The following DOCK6 variants were observed in gnomAD, a reference collection of about 807,000 sequenced individuals.
DOCK6 encodes the protein dedicator of cytokinesis protein 6.
Under a neutral mutation model 230.3 loss-of-function variants are expected in DOCK6, and 167 were observed. That is an observed-to-expected ratio of 0.73 (90% CI 0.64 to 0.82). The LOEUF (loss-of-function observed/expected upper bound fraction) is 0.82. DOCK6 is among the 40% of genes least tolerant of loss of function. The probability of loss-of-function intolerance (pLI) is 0.00; values close to 1 mark genes in which losing one functional copy is unlikely to be tolerated. For missense variants in DOCK6, 2,598 were observed against 2,825.8 expected (o/e 0.92, Z 1.83); for synonymous variants, 1,148 against 1,185.0 (o/e 0.97, Z 0.64).
In DOCK6 at chr19:11,201,993, C is replaced by T. The variant is rs372223901; in HGVS notation, c.5584G>A (p.Ala1862Thr). The change falls in exon 44 of 48, where the codon GCA (alanine) becomes ACA (threonine). Residue 1862 changes from alanine (A) to threonine (T), a missense_variant. Coordinates refer to ENST00000294618, the MANE Select transcript of DOCK6 (RefSeq NM_020812.4). This position sits in a 1 kb window ranked among gnomAD's most constrained non-coding sequence, Gnocchi z 4.3. ...FCTPFTPDGRAHGELPEQHKR... is the reference protein window; with the variant it reads ...FCTPFTPDGRTHGELPEQHKR... ...TGTTGCTCGGGCAGCTCCCCGTGTGCGCGCCCATCCGGCGTGAACGGCGTG... is the reference window on the plus strand; with the variant it reads ...TGTTGCTCGGGCAGCTCCCCGTGTGTGCGCCCATCCGGCGTGAACGGCGTG... 12 of 1,613,870 alleles carry T rather than the reference C, an allele frequency of 7.4e-6. No homozygotes were observed. Among genetic ancestry groups the T allele is most frequent in the South Asian group, 4.4e-5 (4 of 91,084 alleles).
In DOCK6 at chr19:11,200,362, G is replaced by C. The variant is rs545841854; in HGVS notation, c.6047C>G (p.Pro2016Arg). 1 of 1,588,480 alleles carries C rather than the reference G, an allele frequency of 6.3e-7. No individual in the cohort carries two copies. The highest frequency in any genetic ancestry group is 1.8e-5 in the Admixed American group (1 of 56,210). ...NYCRLREALQ[P>R]LLTQRLPQLM... Reference sequence around the variant, plus strand: ...CTGGGGCAGGCGCTGGGTAAGCAGGGGCTGCAGAGCCTCCCGCAGGCGGCA... The same window carrying C: ...CTGGGGCAGGCGCTGGGTAAGCAGGCGCTGCAGAGCCTCCCGCAGGCGGCA... Residue 2016 changes from proline (P) to arginine (R), a missense_variant, in exon 47 of 48, where the codon CCC becomes CGC. Physicochemically the swap from Pro to Arg is moderately radical, Grantham distance 103 (BLOSUM62 -2). Coordinates refer to ENST00000294618, the MANE Select transcript of DOCK6 (RefSeq NM_020812.4). The surrounding 1 kb of genome is among the most constrained non-coding windows in gnomAD (Gnocchi z 4.3).
At chr19:11,219,430 C>A (rs111653966) in intron 28 of DOCK6, among the ~76,000 whole-genome samples, 4 of 147,160 alleles carry the variant, frequency 2.7e-5, no homozygotes, top group African/African-American at 1.0e-4. Context: ...CCTTGTGATC[C>A]GCCCACCTCA....
chr19:11,257,359 G>T (rs1220507560), intron 1 of DOCK6, among the ~76,000 whole-genome samples: 2 of 151,784 alleles, frequency 1.3e-5, no homozygotes, highest in Non-Finnish European at 2.9e-5. Flanking sequence ...AGGCATGGTG[G>T]CTTGCACCTG....
Position 11,252,110 on chromosome 19 carries a change from C to A in DOCK6, c.507+9G>T. ...CCCCTTCAGTGACCCCAGCCAGGGG[C>A]TTCCTCACCGAGTCCTCAGGGCCGG... On this transcript the variant is annotated intron_variant, in intron 5 of 47. Coordinates refer to ENST00000294618, the MANE Select transcript of DOCK6 (RefSeq NM_020812.4). 2 of 1,586,084 alleles carry A rather than the reference C, an allele frequency of 1.3e-6. No homozygotes were observed. Among genetic ancestry groups the A allele is most frequent in the Non-Finnish European group, 1.7e-6 (2 of 1,167,104 alleles).
intron 24 of DOCK6, among the ~76,000 whole-genome samples, chr19:11,226,581 C>G (rs1268296708): frequency 6.6e-6 from 1 of 152,130 alleles, no homozygotes; most frequent in Non-Finnish European, 1.5e-5. Flanking sequence ...TCGCTTGAAC[C>G]TGGGAGGCGG....
At chr19:11,232,276 G>C in intron 22 of DOCK6, 5 of 1,289,624 alleles carry the variant, frequency 3.9e-6, no homozygotes, top group Non-Finnish European at 5.1e-6. Flanking sequence ...CCAGGAGTGT[G>C]AGCGATCGAT....
chr19:11,222,881 G>A lies in DOCK6; in HGVS notation c.3094C>T (p.Pro1032Ser), dbSNP rs367755718. The A allele has an allele frequency of 7.1e-5, 114 of 1,607,854 alleles. No individual in the cohort carries two copies. The highest frequency in any genetic ancestry group is 9.1e-5 in the Non-Finnish European group (107 of 1,177,504). Residue 1032 changes from proline to serine, a missense_variant, in exon 26 of 48, where the codon CCT (proline) becomes TCT (serine). Coordinates refer to ENST00000294618, the MANE Select transcript of DOCK6 (RefSeq NM_020812.4). This position sits in a 1 kb window ranked among gnomAD's most constrained non-coding sequence, Gnocchi z 4.0. ...AGGGTCAGCAGGGCTGCTGGATTAGGGGACGACTGGAGCCGCGTGGCCACC... is the reference window on the plus strand; with the variant it reads ...AGGGTCAGCAGGGCTGCTGGATTAGAGGACGACTGGAGCCGCGTGGCCACC... ...KQVATRLQSS[P>S]NPAALLTLRM...
rs10405114 is a variant in DOCK6, at chr19:11,217,650, C to T, written c.3551-259G>A. Among the ~76,000 whole-genome samples the T allele has an allele frequency of 0.083, 12,499 of 149,768 alleles. 618 individuals are homozygous for T. Among genetic ancestry groups the T allele is most frequent in the African/African-American group, 0.12 (5,003 of 40,806 alleles). ...GCGGGCGCCTGTAATCCCAGCTACT[C>T]GGGAGGCTGTGGCACGAGAATCTCT... is the stretch of plus-strand genomic sequence containing the variant. On this transcript the variant is annotated intron_variant, in intron 28 of 47. Transcript: ENST00000294618.
In DOCK6 at chr19:11,243,937, C is replaced by G; in HGVS notation, c.1024-55G>C. The G allele has an allele frequency of 6.4e-7, 1 of 1,554,108 alleles. No individual in the cohort carries two copies. The highest frequency in any genetic ancestry group is 8.7e-7 in the Non-Finnish European group (1 of 1,146,408). ...GCGCTGCCCGAACGCTCTGTTCCCC[C>G]GTGCTGGCTCCCCAGCCTCCTGGAC... On this transcript the variant is annotated intron_variant, in intron 9 of 47. Coordinates refer to ENST00000294618, the MANE Select transcript of DOCK6 (RefSeq NM_020812.4). This position sits in a 1 kb window ranked among gnomAD's most constrained non-coding sequence, Gnocchi z 6.3.
chr19:11,242,819 C>T (rs997146685), intron 13 of DOCK6, among the ~76,000 whole-genome samples: 17 of 152,168 alleles, frequency 1.1e-4, no homozygotes, highest in Admixed American at 1.1e-3. Context: ...ACTCTGCCCC[C>T]AGGACCCCTG....
chr19:11,226,735 T>C (rs571885753), intron 24 of DOCK6, among the ~76,000 whole-genome samples: 2 of 152,156 alleles, frequency 1.3e-5, no homozygotes, highest in African/African-American at 4.8e-5. Context: ...CAATAAATGC[T>C]CCATATTATT....
chr19:11,221,767 T>C, intron 28 of DOCK6, 84 bp downstream of exon 28: 1 of 1,597,078 alleles, frequency 6.3e-7, no homozygotes, highest in Non-Finnish European at 8.6e-7. Flanking sequence ...TACCAGTGAC[T>C]GTGTTCTCCC....
intron 6 of DOCK6, 79 bp downstream of exon 6, chr19:11,250,795 A>C (rs1456154696): frequency 7.3e-7 from 1 of 1,372,334 alleles, no homozygotes; most frequent in African/African-American, 1.4e-5. Flanking sequence ...CCATCTATAG[A>C]AGCTATTGAA....
chr19:11,227,364 G>T lies in DOCK6; in HGVS notation c.2928C>A (p.Gly976=). 2 of 1,613,870 alleles carry T rather than the reference G, an allele frequency of 1.2e-6. No homozygotes were observed. The highest frequency in any genetic ancestry group is 1.7e-6 in the Non-Finnish European group (2 of 1,179,886). Residue 976 remains glycine, a synonymous_variant, in exon 24 of 48, where the codon GGC becomes GGA. Coordinates refer to ENST00000294618, the MANE Select transcript of DOCK6 (RefSeq NM_020812.4). ...TGTGGACACGGGTGATGACCTCCAG[G>T]CCCACAGAGCCCACCAAGGCAGTGA... ...DDITALVGSV[G]LEVITRVHKD...
At chr19:11,252,364 G>C in intron 4 of DOCK6, 116 bp from the exon 5 acceptor site, 1 of 1,580,420 alleles carries the variant, frequency 6.3e-7, no homozygotes, top group Non-Finnish European at 8.7e-7. Flanking sequence ...TGCTCCACCA[G>C]ACAAGTTTGC....
chr19:11,218,526 C>T (rs191581824), intron 28 of DOCK6, among the ~76,000 whole-genome samples: 24 of 152,238 alleles, frequency 1.6e-4, no homozygotes, highest in Admixed American at 5.9e-4. Context: ...TGGCTTACTG[C>T]AGCCTCAACC....
chr19:11,251,248 TC>T, intron 5 of DOCK6, 162 bp from the exon 6 acceptor site: 1 of 674,212 alleles, frequency 1.5e-6, no homozygotes, highest in Non-Finnish European at 2.5e-6. Flanking sequence ...CTACCCTCTT[TC>T]CAGAAACTTC....
chr19:11,259,814 C>T (rs2080256481), intron 1 of DOCK6, among the ~76,000 whole-genome samples: 1 of 150,622 alleles, frequency 6.6e-6, no homozygotes, highest in Non-Finnish European at 1.5e-5. Context: ...AACTCCTGAC[C>T]TCAGGTGATC....
intron 22 of DOCK6, among the ~76,000 whole-genome samples, chr19:11,230,573 G>A (rs1041220282): frequency 2.5e-5 from 3 of 117,688 alleles, no homozygotes; most frequent in South Asian, 2.6e-4. Flanking sequence ...GAGTGTAGAC[G>A]AGGTGTAGAG....
Sources: gnomAD v4.1 joint callset for allele counts (sites outside exome capture counted in the v4.1 genomes callset) on GRCh38, gnomAD v4.1.1 for gene constraint, Gnocchi (gnomAD v3.1) non-coding constraint, MANE v1.5 for transcripts, NCBI Gene and HGNC (gene_info 2026-07-23, HGNC 2026-07-21) for gene names.